The following SH3BP2 variants were observed in gnomAD, a reference collection of about 807,000 sequenced individuals.
The protein encoded by SH3BP2 is SH3 domain-binding protein 2.
Under a neutral mutation model 56.2 loss-of-function variants are expected in SH3BP2, and 38 were observed. That is an observed-to-expected ratio of 0.68 (90% CI 0.52 to 0.89). The LOEUF (loss-of-function observed/expected upper bound fraction) is 0.89, where lower values mean the gene tolerates loss of function less well. Ranked by LOEUF, SH3BP2 falls within the 40% of genes least tolerant of loss-of-function variation. The pLI is 0.00. For synonymous variants in SH3BP2, 346 were observed against 316.7 expected (o/e 1.09, Z -0.98); for missense variants, 748 against 762.6 (o/e 0.98, Z 0.23).
At position 2,833,715 on chromosome 4, in the gene SH3BP2, G is replaced by A. The variant is rs1189486232; in HGVS notation, c.1567G>A (p.Glu523Lys). The change falls in exon 13 of 13, where the codon GAG (glutamate) becomes AAG (lysine). Residue 523 changes from glutamate to lysine, a missense_variant. Transcript: ENST00000503393. ...IFEKDSKFYL[E>K]GEVLFVSVGS... ...CCCACAGGACTCTAAGTTCTACCTG[G>A]AGGGCGAGGTCCTGTTTGTGAGTGT... The A allele has an allele frequency of 1.2e-6, 2 of 1,610,740 alleles. No homozygotes were observed. The highest frequency in any genetic ancestry group is 3.3e-5 in the Admixed American group (2 of 59,710).
chr4:2,817,688 G>A lies in SH3BP2; in HGVS notation c.-4-2926G>A, dbSNP rs116526436. 1,231 of 152,434 alleles carry A rather than the reference G, an allele frequency of 8.1e-3. 16 individuals are homozygous for A. Among genetic ancestry groups the A allele is most frequent in the Admixed American group, 0.013 (204 of 15,314 alleles). The allele number at this position is 152,434 out of a possible 1,614,324, so 9.4% of individuals were successfully genotyped here. ...CTGCGTTTGGGCAAGCAGGTGGGAGGTGCCAAGGACCAGACCCCTGGCTCC... is the reference window on the plus strand; with the variant it reads ...CTGCGTTTGGGCAAGCAGGTGGGAGATGCCAAGGACCAGACCCCTGGCTCC... On this transcript the variant is annotated intron_variant, in intron 1 of 12. Coordinates refer to ENST00000503393, the MANE Select transcript of SH3BP2 (RefSeq NM_001122681.2).
At chr4:2,826,140 C>T (rs1241745077) in intron 5 of SH3BP2, among the ~76,000 whole-genome samples, 2 of 152,260 alleles carry the variant, frequency 1.3e-5, no homozygotes, top group Non-Finnish European at 2.9e-5. Flanking sequence ...ACAGTCAGGG[C>T]GGCCATCCTT....
intron 2 of SH3BP2, among the ~76,000 whole-genome samples, chr4:2,821,601 C>G (rs1724308431): frequency 6.6e-6 from 1 of 152,194 alleles, no homozygotes; most frequent in Non-Finnish European, 1.5e-5. Flanking sequence ...GCTCTGTTGC[C>G]CAAGCTGGAG....
intron 5 of SH3BP2, chr4:2,826,566 A>G (rs1338504650): frequency 6.3e-4 from 99 of 157,204 alleles, no homozygotes; most frequent in African/African-American, 2.3e-3. Context: ...GCATGTCTGC[A>G]TGTTGCTCTG....
chr4:2,807,097 C>T (rs1723565706), intron 1 of SH3BP2, among the ~76,000 whole-genome samples: 1 of 152,272 alleles, frequency 6.6e-6, no homozygotes, highest in South Asian at 2.1e-4. Context: ...CTTCTGGGAA[C>T]ACTGCTGTCT....
Position 2,835,709 on chromosome 4 carries a change from C to T in SH3BP2, c.*1875C>T, listed in dbSNP as rs1473557421. On this transcript the variant is annotated 3_prime_UTR_variant, in exon 13 of 13. Coordinates refer to ENST00000503393, the MANE Select transcript of SH3BP2 (RefSeq NM_001122681.2). ...CCGTGATCTCCGCTCACTGCCACCTCCGCCTCTCTAGTTCAAGCGATTTTC... is the reference window on the plus strand; with the variant it reads ...CCGTGATCTCCGCTCACTGCCACCTTCGCCTCTCTAGTTCAAGCGATTTTC... 6.6e-6 allele frequency: 1 copy of T among 152,220 alleles called. No homozygotes were observed. The highest frequency in any genetic ancestry group is 2.4e-5 in the African/African-American group (1 of 41,460). The allele number at this position is 152,220 out of a possible 1,614,324, so 9.4% of individuals were successfully genotyped here.
intron 1 of SH3BP2, among the ~76,000 whole-genome samples, chr4:2,804,662 C>T (rs552761370): frequency 1.3e-5 from 2 of 152,352 alleles, no homozygotes; most frequent in East Asian, 3.9e-4. Flanking sequence ...CCAGGGCCCA[C>T]CCCCACTGTC....
In SH3BP2 at chr4:2,820,513, A is replaced by G. The variant is rs1382076147; in HGVS notation, c.-4-101A>G. On this transcript the variant is annotated intron_variant, in intron 1 of 12. Coordinates refer to ENST00000503393, the MANE Select transcript of SH3BP2 (RefSeq NM_001122681.2). ...CTTGCCTGTCATGGCCCTACCCTCC[A>G]AGCTGTGTCCTGGATCTTGGCAGTG... The G allele has an allele frequency of 6.1e-6, 9 of 1,474,442 alleles. No individual in the cohort carries two copies. In the Admixed American group the frequency reaches 1.2e-4, roughly 19 times the overall value. The allele number at this position is 1,474,442 out of a possible 1,614,324, so 91.3% of individuals were successfully genotyped here. A position where few individuals can be genotyped will look rare whatever the true frequency, so the allele number is the denominator to read the frequency against.
rs367975780 is a variant in SH3BP2, at chr4:2,807,885, G to A, written c.-4-12729G>A. Among the ~76,000 whole-genome samples, 33 of 152,302 alleles carry A rather than the reference G, an allele frequency of 2.2e-4. No homozygotes were observed. The East Asian group carries it at 5.2e-3, about 24-fold the overall frequency. ...GAGGTGGAGAGCCCAGCCTTCAGGA[G>A]GCTGTGGGCACCTGCGGAGGCAAGC... On this transcript the variant is annotated intron_variant, in intron 1 of 12. Transcript: ENST00000503393.
intron 1 of SH3BP2, among the ~76,000 whole-genome samples, chr4:2,802,601 T>C (rs12503407): frequency 0.015 from 2,221 of 144,882 alleles, 169 homozygotes; most frequent in Admixed American, 0.13. Flanking sequence ...TTTGTATATA[T>C]GTGTATATAT....
At chr4:2,815,237 G>A (rs1723945022) in intron 1 of SH3BP2, among the ~76,000 whole-genome samples, 1 of 152,340 alleles carries the variant, frequency 6.6e-6, no homozygotes, top group South Asian at 2.1e-4. Flanking sequence ...CTGGCACAGG[G>A]CAGGGCCAGG....
chr4:2,822,764 G>C (rs1724376890), intron 2 of SH3BP2, among the ~76,000 whole-genome samples, 171 bp from the exon 3 acceptor site: 1 of 152,226 alleles, frequency 6.6e-6, no homozygotes, highest in Non-Finnish European at 1.5e-5. Context: ...TTTGGCCCCA[G>C]AGTGGGCTCC....
rs112516491 is a variant in SH3BP2, at chr4:2,812,141, G to A, written c.-4-8473G>A. On this transcript the variant is annotated intron_variant, in intron 1 of 12. Coordinates refer to ENST00000503393, the MANE Select transcript of SH3BP2 (RefSeq NM_001122681.2). ...CAGTGGAAGGTAGGAGTTAAAACCCGGATGGTGGATGAGGGGCAGCCCTGG... is the reference window on the plus strand; with the variant it reads ...CAGTGGAAGGTAGGAGTTAAAACCCAGATGGTGGATGAGGGGCAGCCCTGG... 1.5e-3 allele frequency: 2,136 copies of A among 1,402,938 alleles called. 25 individuals are homozygous for A. In the African/African-American group the frequency reaches 0.026, roughly 17 times the overall value. The allele number at this position is 1,402,938 out of a possible 1,614,324, so 86.9% of individuals were successfully genotyped here. A position where few individuals can be genotyped will look rare whatever the true frequency, so the allele number is the denominator to read the frequency against.
intron 1 of SH3BP2, among the ~76,000 whole-genome samples, chr4:2,802,546 A>G (rs956385210): frequency 5.8e-5 from 8 of 139,108 alleles, no homozygotes; most frequent in Middle Eastern, 7.2e-3. Flanking sequence ...GTGTGTGTGT[A>G]TATATATGTG....
At chr4:2,801,997 A>G (rs1723299985) in intron 1 of SH3BP2, among the ~76,000 whole-genome samples, 1 of 151,982 alleles carries the variant, frequency 6.6e-6, no homozygotes, top group African/African-American at 2.4e-5. Context: ...AATCCCAGCT[A>G]CTCGGGAGGC....
At position 2,824,711 on chromosome 4, in the gene SH3BP2, C is replaced by T; in HGVS notation, c.338C>T (p.Ser113Phe). The T allele has an allele frequency of 6.2e-7, 1 of 1,612,974 alleles. No homozygotes were observed. The highest frequency in any genetic ancestry group is 8.5e-7 in the Non-Finnish European group (1 of 1,179,092). ...CACCGCACGTGGTTCTTCTCGGCCT[C>T]CTCCGAGGAGGAGCGCAAGGTGACT... ...KKHRTWFFSA[S>F]SEEERKSWMA... Residue 113 changes from serine to phenylalanine, a missense_variant, in exon 4 of 13, where the codon TCC becomes TTC. Ser to Phe is a radical substitution (Grantham distance 155). This residue lies in a region of SH3BP2 where 635 missense variants were observed against 615.0 expected (regional missense o/e 1.03). Coordinates refer to ENST00000503393, the MANE Select transcript of SH3BP2 (RefSeq NM_001122681.2).
intron 1 of SH3BP2, chr4:2,796,402 G>C: frequency 4.1e-6 from 4 of 985,426 alleles, no homozygotes; most frequent in Non-Finnish European, 4.8e-6. Flanking sequence ...CCATGAGAGT[G>C]GTCAGGCCCT....
chr4:2,827,126 T>C, intron 5 of SH3BP2, 104 bp from the exon 6 acceptor site: 1 of 847,286 alleles, frequency 1.2e-6, no homozygotes, highest in Non-Finnish European at 2.0e-6. Flanking sequence ...CATCTGTGTA[T>C]CTGTCCATGT....
At chr4:2,827,470 C>T (rs1324254051) in intron 6 of SH3BP2, 136 bp from the exon 7 acceptor site, 22 of 1,181,962 alleles carry the variant, frequency 1.9e-5, no homozygotes, top group Admixed American at 2.0e-5. Flanking sequence ...TGGCCTTCAG[C>T]GGCAGGGTCT....
Sources: allele counts gnomAD v4.1 joint callset (sites outside exome capture counted in the v4.1 genomes callset), GRCh38; gene constraint gnomAD v4.1.1; regional missense constraint gnomAD v4.1.1; transcripts MANE v1.5; gene names NCBI Gene and HGNC (gene_info 2026-07-23, HGNC 2026-07-21).